The following MYH6 variants were observed in gnomAD, a reference collection of about 807,000 sequenced individuals.
MYH6 encodes the protein myosin heavy chain 6.
MYH6 carries 126 observed loss-of-function variants against 223.2 expected under a neutral mutation model. The observed-to-expected ratio is 0.56, with a 90% CI of 0.49 to 0.65. The LOEUF is 0.65. MYH6 is among the 30% of genes least tolerant of loss of function. The pLI is 0.00. For synonymous variants in MYH6, 978 were observed against 1,010.2 expected, an observed-to-expected ratio of 0.97 and a Z score of 0.61; for missense variants, 2,040 against 2,536.4, an observed-to-expected ratio of 0.80 and a Z score of 4.20.
chr14:23,389,266 A>G lies in MYH6; in HGVS notation c.3978+127T>C. On this transcript the variant is annotated intron_variant, in intron 28 of 38. Coordinates refer to ENST00000405093, the MANE Select transcript of MYH6 (RefSeq NM_002471.4). ...ATTAAATGACGCTTAGCTGCAGGGC[A>G]GAACCTAGACTGGAGGGTCTTTCCC... 3 of 1,230,010 alleles carry G rather than the reference A, an allele frequency of 2.4e-6. No individual in the cohort carries two copies. In the South Asian group the frequency reaches 4.0e-5, roughly 16 times the overall value. 76.2% of individuals were successfully genotyped at this position (1,230,010 alleles called of 1,614,324 possible). A position where few individuals can be genotyped will look rare whatever the true frequency, so the allele number is the denominator to read the frequency against.
intron 29 of MYH6, 176 bp from the exon 30 acceptor site, chr14:23,388,514 G>A (rs1385763990): frequency 1.3e-5 from 14 of 1,082,522 alleles, no homozygotes; most frequent in East Asian, 9.5e-5. Context: ...CTGCCCAGGC[G>A]TCCTCCCTAC....
rs778611517 is a variant in MYH6 at position 23,400,798 on chromosome 14, C to T, written c.1321G>A (p.Val441Met). The change falls in exon 13 of 39, where the codon GTG (valine) becomes ATG (methionine). Residue 441 changes from valine (V) to methionine (M), a missense_variant. By Grantham distance (21) the Val-to-Met change is conservative. Around this residue, in one of 4 missense-constraint regions of MYH6, gnomAD observed 649 missense variants for 877.3 expected, o/e 0.74. Coordinates refer to ENST00000405093, the MANE Select transcript of MYH6 (RefSeq NM_002471.4). ...TCCAGGGTGGCGTTGATGCGCGTCACCATCCAGTTGAACATCTTCTCATAC... is the reference window on the plus strand; with the variant it reads ...TCCAGGGTGGCGTTGATGCGCGTCATCATCCAGTTGAACATCTTCTCATAC... ...AVYEKMFNWM[V>M]TRINATLETK... 1.2e-6 allele frequency: 2 copies of T among 1,614,112 alleles called. No homozygotes were observed. Among genetic ancestry groups the T allele is most frequent in the African/African-American group, 2.7e-5 (2 of 74,936 alleles).
rs1279525266 is a variant in MYH6, at chr14:23,387,807, C to G, written c.4476G>C (p.Glu1492Asp). 3.7e-6 allele frequency: 6 copies of G among 1,614,000 alleles called. No individual in the cohort carries two copies. The highest frequency in any genetic ancestry group is 2.5e-6 in the Non-Finnish European group (3 of 1,180,046). The change falls in exon 31 of 39, where the codon GAG (glutamate) becomes GAC (aspartate). Residue 1492 changes from glutamate (E) to aspartate (D), a missense_variant. Glu to Asp is a conservative substitution (Grantham distance 45, BLOSUM62 2). This residue lies in a region of MYH6 where 1,203 missense variants were observed against 1,400.2 expected (regional missense o/e 0.86). Transcript: ENST00000405093. Reference sequence around the variant, plus strand: ...TGAAGGTCTCTAGGTGCTCCAGGGACTCCTCGTAGGCGTTCTTGAGCTTGA... The same window carrying G: ...TGAAGGTCTCTAGGTGCTCCAGGGAGTCCTCGTAGGCGTTCTTGAGCTTGA... Reference protein sequence around the residue: ...ELFKLKNAYEESLEHLETFKR... With the variant: ...ELFKLKNAYEDSLEHLETFKR...
chr14:23,397,932 C>CTCCTCCTCCTCCTCTTCTTCT (rs1891452078), intron 15 of MYH6, among the ~76,000 whole-genome samples: 1 of 90,220 alleles, frequency 1.1e-5, no homozygotes, highest in African/African-American at 4.3e-5. Context: ...CCTCCTCCTC[C>CTCCTCCTCCTCCTCTTCTTCT]TCTTCTTCTT....
Position 23,399,029 on chromosome 14 carries a change from G to T in MYH6, c.1590C>A (p.Gly530=). ...ACIDLIEKPM[G]IMSILEEECM... Reference sequence around the variant, plus strand: ...ACTCCTCCTCCAGGATGGACATGATGCCCATGGGCTGAGGGCAGGGTGAAG... The same window carrying T: ...ACTCCTCCTCCAGGATGGACATGATTCCCATGGGCTGAGGGCAGGGTGAAG... The change falls in exon 15 of 39, where the codon GGC becomes GGA. Residue 530 remains glycine (G), a synonymous_variant. Coordinates refer to ENST00000405093, the MANE Select transcript of MYH6 (RefSeq NM_002471.4). The T allele has an allele frequency of 6.2e-7, 1 of 1,614,092 alleles. No individual in the cohort carries two copies. Among genetic ancestry groups the T allele is most frequent in the Non-Finnish European group, 8.5e-7 (1 of 1,180,000 alleles).
At chr14:23,389,819 G>T (rs1410308679) in intron 26 of MYH6, 100 bp from the exon 27 acceptor site, 4 of 1,595,482 alleles carry the variant, frequency 2.5e-6, no homozygotes, top group East Asian at 4.5e-5. Context: ...GGGCAGGAGG[G>T]GGACACAGAA....
At position 23,400,911 on chromosome 14, in the gene MYH6, G is replaced by A; in HGVS notation, c.1208C>T (p.Pro403Leu). The A allele has an allele frequency of 6.2e-7, 1 of 1,614,232 alleles. No individual in the cohort carries two copies. Among genetic ancestry groups the A allele is most frequent in the Non-Finnish European group, 8.5e-7 (1 of 1,180,048 alleles). Residue 403 changes from proline to leucine, a missense_variant, in exon 13 of 39, where the codon CCT (proline) becomes CTT (leucine). Physicochemically the swap from Pro to Leu is moderately conservative, Grantham distance 98. This residue lies in a region of MYH6 where 649 missense variants were observed against 877.3 expected (regional missense o/e 0.74). Coordinates refer to ENST00000405093, the MANE Select transcript of MYH6 (RefSeq NM_002471.4). Reference sequence around the variant, plus strand: ...ATACTCGTTGCCCACTTTCACCCGAGGGTGGCACAGCCCCTTGAGCAGGTC... The same window carrying A: ...ATACTCGTTGCCCACTTTCACCCGAAGGTGGCACAGCCCCTTGAGCAGGTC... The part of the protein sequence containing the change: ...SADLLKGLCH[P>L]RVKVGNEYVT...
At chr14:23,384,237 AAG>A (rs1456515616) in intron 36 of MYH6, among the ~76,000 whole-genome samples, 2 of 152,180 alleles carry the variant, frequency 1.3e-5, no homozygotes, top group African/African-American at 4.8e-5. Flanking sequence ...GACTAGTTAG[AAG>A]AGTTTTCAGG....
chr14:23,405,475 C>T lies in MYH6; in HGVS notation c.346-96G>A. 6.2e-7 allele frequency: 1 copy of T among 1,603,158 alleles called. No individual in the cohort carries two copies. Among genetic ancestry groups the T allele is most frequent in the South Asian group, 1.1e-5 (1 of 90,706 alleles). ...GCATGTCCCTGTTCACTCCAGCTGG[C>T]TCTACTCCTCCTGCAGCTGACTAGG... On this transcript the variant is annotated intron_variant, in intron 4 of 38. Coordinates refer to ENST00000405093, the MANE Select transcript of MYH6 (RefSeq NM_002471.4). This position sits in a 1 kb window ranked among gnomAD's most constrained non-coding sequence, Gnocchi z 4.7.
intron 8 of MYH6, among the ~76,000 whole-genome samples, chr14:23,404,019 A>G (rs534249766): frequency 9.2e-5 from 14 of 152,288 alleles, no homozygotes; most frequent in Middle Eastern, 3.4e-3. Flanking sequence ...CATACCTCTC[A>G]TATGATCTCA....
At position 23,394,292 on chromosome 14, in the gene MYH6, G is replaced by A. The variant is rs1348126724; in HGVS notation, c.2461C>T (p.Arg821Trp). 3.7e-6 allele frequency: 6 copies of A among 1,614,186 alleles called. No individual in the cohort carries two copies. Among genetic ancestry groups the A allele is most frequent in the Non-Finnish European group, 2.5e-6 (3 of 1,180,040 alleles). The change falls in exon 21 of 39, where the codon CGG becomes TGG. Residue 821 changes from arginine to tryptophan, a missense_variant. Physicochemically the swap from Arg to Trp is moderately radical, Grantham distance 101. Transcript: ENST00000405093. ...CAATTCTTGACCCCCATGAAGGCCC[G>A]AATGTTCCACTGGATTACCAGCAGG... ...DALLVIQWNI[R>W]AFMGVKNWPW...
At chr14:23,389,941 C>G in intron 26 of MYH6, 116 bp downstream of exon 26, 1 of 1,598,316 alleles carries the variant, frequency 6.3e-7, no homozygotes, top group South Asian at 1.1e-5. Context: ...GGAAGAGAGA[C>G]CAAAGGGTGA....
At chr14:23,389,843 G>A (rs1392237529) in intron 26 of MYH6, 124 bp from the exon 27 acceptor site, 29 of 1,543,458 alleles carry the variant, frequency 1.9e-5, no homozygotes, top group South Asian at 1.0e-4. Context: ...GTGGGAGGGC[G>A]CAGTCTGAAG....
chr14:23,400,158 T>C (rs1179779617), intron 14 of MYH6, 98 bp downstream of exon 14: 1 of 1,579,398 alleles, frequency 6.3e-7, no homozygotes. Flanking sequence ...AGGCCTGGGA[T>C]TCTTGGGACT....
At chr14:23,399,556 A>T (rs1180296570) in intron 14 of MYH6, among the ~76,000 whole-genome samples, 1 of 152,060 alleles carries the variant, frequency 6.6e-6, no homozygotes, top group East Asian at 2.0e-4. Context: ...ACGCATGTAC[A>T]CACACACACG....
rs368410015 is a variant in MYH6, at chr14:23,404,281, G to A, written c.735+15C>T. The A allele has an allele frequency of 5.6e-6, 9 of 1,613,972 alleles. No individual in the cohort carries two copies. The African/African-American group carries it at 1.2e-4, about 22-fold the overall frequency. ...AGGCTGGATGAGGCCACTGGGAGTG[G>A]TCAAAGGCACTCACAAAGCGGGAGG... On this transcript the variant is annotated intron_variant, in intron 8 of 38. Coordinates refer to ENST00000405093, the MANE Select transcript of MYH6 (RefSeq NM_002471.4).
chr14:23,382,191 C>A, intron 38 of MYH6, 128 bp from the exon 39 acceptor site: 1 of 1,148,504 alleles, frequency 8.7e-7, no homozygotes, highest in Non-Finnish European at 1.3e-6. Flanking sequence ...CCCAGGGATC[C>A]TGTGGTCCCA....
intron 36 of MYH6, among the ~76,000 whole-genome samples, chr14:23,384,191 A>T (rs1187648198): frequency 5.6e-5 from 6 of 107,012 alleles, no homozygotes; most frequent in African/African-American, 2.9e-4. Flanking sequence ...AGAGTTATTA[A>T]AAAAAAAAAA....
Position 23,402,807 on chromosome 14 carries a change from C to A in MYH6, c.899-7G>T, listed in dbSNP as rs759048371. 1.9e-6 allele frequency: 3 copies of A among 1,607,306 alleles called. No homozygotes were observed. The highest frequency in any genetic ancestry group is 2.5e-6 in the Non-Finnish European group (3 of 1,178,658). The stretch of plus-strand genomic sequence containing the variant: ...TTGGTGACCAGCAGCATGTCTGCAC[C>A]AGGCAAGGGGTGAGGCAGGGGCAAG... On this transcript the variant is annotated splice_region_variant and splice_polypyrimidine_tract_variant and intron_variant, in intron 10 of 38. Coordinates refer to ENST00000405093, the MANE Select transcript of MYH6 (RefSeq NM_002471.4).
Sources: gnomAD v4.1 joint callset for allele counts (sites outside exome capture counted in the v4.1 genomes callset) on GRCh38, gnomAD v4.1.1 for gene constraint, gnomAD v4.1.1 regional missense constraint, Gnocchi (gnomAD v3.1) non-coding constraint, MANE v1.5 for transcripts, NCBI Gene and HGNC (gene_info 2026-07-23, HGNC 2026-07-21) for gene names.